Variants in PRRX2 observed in about 807,000 individuals in gnomAD.
PRRX2 encodes the protein paired mesoderm homeobox protein 2.
PRRX2 carries 11 observed loss-of-function variants against 18.0 expected under a neutral mutation model. The observed-to-expected ratio is 0.61, with a 90% CI of 0.39 to 1.01. PRRX2 has a LOEUF of 1.01. PRRX2 is among the 50% of genes least tolerant of loss of function. The probability of loss-of-function intolerance (pLI) is 0.01; values close to 1 mark genes in which losing one functional copy is unlikely to be tolerated. For synonymous variants in PRRX2, 177 were observed against 154.8 expected (o/e 1.14, Z -1.06); for missense variants, 387 against 351.0 (o/e 1.10, Z -0.82).
intron 1 of PRRX2, among the ~76,000 whole-genome samples, chr9:129,687,921 G>T (rs147680361): frequency 6.6e-6 from 1 of 152,208 alleles, no homozygotes; most frequent in Non-Finnish European, 1.5e-5. Flanking sequence ...TGGAGGTAGC[G>T]GGGACAGTCT....
rs1009686467 is a variant in PRRX2 at position 129,691,313 on chromosome 9, A to G, written c.259+25187A>G. 3.3e-5 allele frequency among the ~76,000 whole-genome samples: 5 copies of G among 151,962 alleles called. No homozygotes were observed. The South Asian group carries it at 8.3e-4, about 25-fold the overall frequency. ...GATCGCACCATTGCACCCAGCCTGC[A>G]TGACAAAGCGACTCTGTCAAAAAAA... On this transcript the variant is annotated intron_variant, in intron 1 of 3. Coordinates refer to ENST00000372469, the MANE Select transcript of PRRX2 (RefSeq NM_016307.4).
chr9:129,677,356 G>A (rs2119057411), intron 1 of PRRX2, among the ~76,000 whole-genome samples: 2 of 152,372 alleles, frequency 1.3e-5, no homozygotes, highest in South Asian at 4.1e-4. Flanking sequence ...GAAATACGCA[G>A]TGATCCCCAG....
chr9:129,717,709 A>AAAAAAG (rs1455361451), intron 1 of PRRX2, among the ~76,000 whole-genome samples: 2 of 151,302 alleles, frequency 1.3e-5, no homozygotes, highest in East Asian at 1.9e-4. Flanking sequence ...AAAAAAAAAA[A>AAAAAAG]AAAAAGAAAA....
chr9:129,722,120 G>C (rs1832800367), intron 3 of PRRX2, 97 bp from the exon 4 acceptor site: 1 of 1,512,678 alleles, frequency 6.6e-7, no homozygotes, highest in Non-Finnish European at 8.9e-7. Context: ...AGGAGAGCAA[G>C]CTAAGGAGGG....
chr9:129,713,375 G>A (rs1832656130), intron 1 of PRRX2: 1 of 152,254 alleles, frequency 6.6e-6, no homozygotes, highest in Non-Finnish European at 1.5e-5. Flanking sequence ...CTTCAGCAAG[G>A]TGCTATCCCA....
At chr9:129,687,713 C>T (rs560696683) in intron 1 of PRRX2, among the ~76,000 whole-genome samples, 1 of 152,344 alleles carries the variant, frequency 6.6e-6, no homozygotes, top group African/African-American at 2.4e-5. Flanking sequence ...GGGAACTCAT[C>T]ACACCCGAGA....
intron 1 of PRRX2, among the ~76,000 whole-genome samples, chr9:129,684,507 CA>C (rs1832277197): frequency 1.9e-4 from 10 of 53,096 alleles, no homozygotes; most frequent in South Asian, 1.0e-3. Context: ...CACACACACA[CA>C]CACACACACA....
intron 1 of PRRX2, among the ~76,000 whole-genome samples, chr9:129,687,650 AC>A (rs1397364935): frequency 4.6e-5 from 7 of 151,950 alleles, no homozygotes; most frequent in Non-Finnish European, 1.0e-4. Flanking sequence ...CACAAACTAT[AC>A]CCTTTTGATC....
chr9:129,684,504 AC>A (rs1564147401), intron 1 of PRRX2, among the ~76,000 whole-genome samples: 1 of 137,806 alleles, frequency 7.3e-6, no homozygotes, highest in African/African-American at 2.8e-5. Flanking sequence ...ACACACACAC[AC>A]ACACACACAC....
intron 1 of PRRX2, among the ~76,000 whole-genome samples, chr9:129,694,603 G>T (rs1832398435): frequency 6.6e-6 from 1 of 152,194 alleles, no homozygotes; most frequent in African/African-American, 2.4e-5. Context: ...GGAAGCTTGG[G>T]TGCTGGAATC....
chr9:129,703,008 G>C (rs1433060242), intron 1 of PRRX2, among the ~76,000 whole-genome samples: 1 of 152,260 alleles, frequency 6.6e-6, no homozygotes, highest in South Asian at 2.1e-4. Context: ...GGGACCACAG[G>C]GAGGTGGACT....
At chr9:129,668,014 C>T (rs1436004406) in intron 1 of PRRX2, among the ~76,000 whole-genome samples, 1 of 152,186 alleles carries the variant, frequency 6.6e-6, no homozygotes, top group African/African-American at 2.4e-5. Context: ...GGGCCAGGCT[C>T]CAGGAGGCGC....
At chr9:129,672,606 GT>G (rs111355593) in intron 1 of PRRX2, among the ~76,000 whole-genome samples, 6 of 152,172 alleles carry the variant, frequency 3.9e-5, no homozygotes, top group African/African-American at 7.2e-5. Context: ...GGGTTGGGGG[GT>G]TTCTCCTTAA....
intron 1 of PRRX2, among the ~76,000 whole-genome samples, chr9:129,716,204 C>T (rs1003760546): frequency 6.6e-6 from 1 of 152,156 alleles, no homozygotes; most frequent in African/African-American, 2.4e-5. Context: ...TAAATATACA[C>T]TGGCAAAAAT....
In PRRX2 at chr9:129,689,503, C is replaced by CT. The variant is rs371204859; in HGVS notation, c.259+23381dup. Among the ~76,000 whole-genome samples the CT allele has an allele frequency of 7.9e-5, 12 of 152,308 alleles. No homozygotes were observed. The East Asian group carries it at 2.1e-3, about 27-fold the overall frequency. The stretch of plus-strand genomic sequence containing the variant: ...ATACCAACCCTGTAAGTAGATGTCG[C>CT]TTTTGCAGATGAAGATACCAAGGCT... On this transcript the variant is annotated intron_variant, in intron 1 of 3. Coordinates refer to ENST00000372469, the MANE Select transcript of PRRX2 (RefSeq NM_016307.4).
chr9:129,689,365 GCA>G (rs1045172904), intron 1 of PRRX2, among the ~76,000 whole-genome samples: 2 of 152,228 alleles, frequency 1.3e-5, no homozygotes, highest in African/African-American at 4.8e-5. Flanking sequence ...GTGTGACCAG[GCA>G]TTTGGCTTAG....
At chr9:129,670,035 T>C (rs1832080270) in intron 1 of PRRX2, among the ~76,000 whole-genome samples, 1 of 147,164 alleles carries the variant, frequency 6.8e-6, no homozygotes, top group South Asian at 2.4e-4. Flanking sequence ...GTCTGCTTCC[T>C]GTCTCTGTGG....
intron 1 of PRRX2, among the ~76,000 whole-genome samples, chr9:129,679,609 G>A (rs1187652739): frequency 2.0e-5 from 3 of 152,170 alleles, no homozygotes; most frequent in African/African-American, 7.2e-5. Context: ...TACCCCTGCC[G>A]ACCTGGAGTC....
intron 1 of PRRX2, among the ~76,000 whole-genome samples, chr9:129,670,131 G>A (rs141554388): frequency 1.3e-5 from 2 of 150,224 alleles, no homozygotes; most frequent in Admixed American, 6.7e-5. Context: ...TTAATGTGAC[G>A]TCTACAGGGC....
Sources: gnomAD v4.1 joint callset for allele counts (sites outside exome capture counted in the v4.1 genomes callset) on GRCh38, gnomAD v4.1.1 for gene constraint, MANE v1.5 for transcripts, NCBI Gene and HGNC (gene_info 2026-07-23, HGNC 2026-07-21) for gene names.